PLEKHN1: variants seen among roughly 807,000 people sequenced by gnomAD.
PLEKHN1 encodes pleckstrin homology domain containing N1, also known as pleckstrin homology domain-containing family N member 1.
Under a neutral mutation model 72.8 loss-of-function variants are expected in PLEKHN1, and 68 were observed. The ratio of observed to expected loss-of-function variants is 0.93; its 90% CI spans 0.77 to 1.14. PLEKHN1 has a LOEUF of 1.14. PLEKHN1 is among the 50% of genes most tolerant of loss of function. PLEKHN1 has a pLI of 0.00. For synonymous variants in PLEKHN1, 454 were observed against 371.6 expected (o/e 1.22, Z -2.55); for missense variants, 1,015 against 840.5 (o/e 1.21, Z -2.57).
chr1:970,762 T>A lies in PLEKHN1; in HGVS notation c.484+4T>A, dbSNP rs781744635. On this transcript the variant is annotated splice_donor_region_variant and intron_variant, in intron 5 of 15. Coordinates refer to ENST00000379410, the MANE Select transcript of PLEKHN1 (RefSeq NM_032129.3). The surrounding 1 kb of genome is among the most constrained non-coding windows in gnomAD (Gnocchi z 4.2). ...GAGCACGCCTTCCAGATCACAGGTG[T>A]TTGGGATGCTTCCCGGGCCCCCAGA... is the stretch of plus-strand genomic sequence containing the variant. 6.2e-7 allele frequency: 1 copy of A among 1,612,556 alleles called. No individual in the cohort carries two copies. Among genetic ancestry groups the A allele is most frequent in the South Asian group, 1.1e-5 (1 of 91,012 alleles).
In PLEKHN1 at chr1:975,787, A is replaced by C; in HGVS notation, c.*1212A>C. Reference sequence around the variant, plus strand: ...TGTCCTGCCACTCAGCTCCCCCTGCACCCCAGAAGAAACGCAGGGTGCGGT... The same window carrying C: ...TGTCCTGCCACTCAGCTCCCCCTGCCCCCCAGAAGAAACGCAGGGTGCGGT... On this transcript the variant is annotated 3_prime_UTR_variant, in exon 16 of 16. Coordinates refer to ENST00000379410, the MANE Select transcript of PLEKHN1 (RefSeq NM_032129.3). The C allele has an allele frequency of 1.1e-5, 2 of 184,744 alleles. No individual in the cohort carries two copies. The highest frequency in any genetic ancestry group is 1.1e-4 in the South Asian group (1 of 9,022). 11.4% of individuals were successfully genotyped at this position (184,744 alleles called of 1,614,324 possible). A position where few individuals can be genotyped will look rare whatever the true frequency, so the allele number is the denominator to read the frequency against.
In PLEKHN1 at chr1:973,257, G is replaced by C. The variant is rs3109216; in HGVS notation, c.1224G>C (p.Arg408=). 6.5e-7 allele frequency: 1 copy of C among 1,543,498 alleles called. No homozygotes were observed. The highest frequency in any genetic ancestry group is 8.8e-7 in the Non-Finnish European group (1 of 1,141,560). ...AGCTGAGACGCAGTGGCAGCAGCCG[G>C]TCACCCGGGAGCAAGGCCCGGGCAG... ...RTELRRSGSS[R]SPGSKARAEG... The change falls in exon 12 of 16, where the codon CGG becomes CGC. Residue 408 remains arginine, a synonymous_variant. Coordinates refer to ENST00000379410, the MANE Select transcript of PLEKHN1 (RefSeq NM_032129.3).
chr1:973,745 C>A, intron 13 of PLEKHN1, 88 bp from the exon 14 acceptor site: 1 of 1,564,580 alleles, frequency 6.4e-7, no homozygotes, highest in Non-Finnish European at 8.7e-7. Context: ...CTGCCCCAAG[C>A]CTGAGGTCTG....
chr1:974,836 A>ACGGC lies in PLEKHN1; in HGVS notation c.*262_*263insGGCC. The stretch of plus-strand genomic sequence containing the variant: ...CAGGTCAGGGAGGTCCTGGCCGTCC[A>ACGGC]CAGGGTCGGCCCTCAGCTCAGCCCG... On this transcript the variant is annotated 3_prime_UTR_variant, in exon 16 of 16. Transcript: ENST00000379410. 1.9e-6 allele frequency: 1 copy of ACGGC among 518,604 alleles called. No homozygotes were observed. The highest frequency in any genetic ancestry group is 3.4e-6 in the Non-Finnish European group (1 of 292,040). 32.1% of individuals were successfully genotyped at this position (518,604 alleles called of 1,614,324 possible). A position where few individuals can be genotyped will look rare whatever the true frequency, so the allele number is the denominator to read the frequency against.
chr1:973,705 A>G, intron 13 of PLEKHN1, 65 bp downstream of exon 13: 1 of 1,586,930 alleles, frequency 6.3e-7, no homozygotes, highest in Non-Finnish European at 8.6e-7. Flanking sequence ...GGGGAGGTCT[A>G]GACCGTGCGT....
Position 974,745 on chromosome 1 carries a change from A to T in PLEKHN1, c.*170A>T. On this transcript the variant is annotated 3_prime_UTR_variant, in exon 16 of 16. Coordinates refer to ENST00000379410, the MANE Select transcript of PLEKHN1 (RefSeq NM_032129.3). Reference sequence around the variant, plus strand: ...TCAGCTCCTGTTCCTTGGTGCCAGCAGCTGGGGCAGGGAAGGGTGGGAGGG... The same window carrying T: ...TCAGCTCCTGTTCCTTGGTGCCAGCTGCTGGGGCAGGGAAGGGTGGGAGGG... The T allele has an allele frequency of 4.7e-5, 34 of 719,506 alleles. No individual in the cohort carries two copies. The highest frequency in any genetic ancestry group is 9.5e-5 in the Admixed American group (3 of 31,438). The allele number at this position is 719,506 out of a possible 1,614,324, so 44.6% of individuals were successfully genotyped here.
rs769516872 is a variant in PLEKHN1 at position 973,263 on chromosome 1, C to T, written c.1230C>T (p.Pro410=). ...ELRRSGSSRS[P]GSKARAEGRG... ...GACGCAGTGGCAGCAGCCGGTCACC[C>T]GGGAGCAAGGCCCGGGCAGAGGGCC... Residue 410 remains proline, a synonymous_variant, in exon 12 of 16, where the codon CCC becomes CCT. Transcript: ENST00000379410. The T allele has an allele frequency of 4.5e-5, 69 of 1,544,150 alleles. No individual in the cohort carries two copies. Among genetic ancestry groups the T allele is most frequent in the South Asian group, 3.4e-4 (29 of 84,454 alleles).
Position 966,684 on chromosome 1 carries a change from A to G in PLEKHN1, c.84-20A>G. On this transcript the variant is annotated intron_variant, in intron 1 of 15. Transcript: ENST00000379410. Reference sequence around the variant, plus strand: ...ACCCGCTCCGGGGCCAAGCCACGAGACCCCTTGCCTTGTCCCCAGAGAGGA... The same window carrying G: ...ACCCGCTCCGGGGCCAAGCCACGAGGCCCCTTGCCTTGTCCCCAGAGAGGA... 1 of 1,576,540 alleles carries G rather than the reference A, an allele frequency of 6.3e-7. No individual in the cohort carries two copies. Among genetic ancestry groups the G allele is most frequent in the African/African-American group, 1.4e-5 (1 of 74,036 alleles).
chr1:970,503 A>T lies in PLEKHN1; in HGVS notation c.331-18A>T, dbSNP rs1269837718. On this transcript the variant is annotated intron_variant, in intron 3 of 15. Transcript: ENST00000379410. This position sits in a 1 kb window ranked among gnomAD's most constrained non-coding sequence, Gnocchi z 4.2. ...GGGCTCCCCAGACTCCGCACTGACG[A>T]CCCTGCTCCCCGCGCAGGATGTCAG... is the stretch of plus-strand genomic sequence containing the variant. The T allele has an allele frequency of 6.2e-7, 1 of 1,612,770 alleles. No homozygotes were observed. Among genetic ancestry groups the T allele is most frequent in the Admixed American group, 1.7e-5 (1 of 59,978 alleles).
At position 966,524 on chromosome 1, in the gene PLEKHN1, C is replaced by T. The variant is rs1202059067; in HGVS notation, c.-8C>T. On this transcript the variant is annotated 5_prime_UTR_variant, in exon 1 of 16. Coordinates refer to ENST00000379410, the MANE Select transcript of PLEKHN1 (RefSeq NM_032129.3). ...GACCCAGACTTGCCGACCTGTACGA[C>T]TCTGGCCATGGGGAACAGCCACTGT... 1.9e-5 allele frequency: 31 copies of T among 1,601,948 alleles called. No individual in the cohort carries two copies. Among genetic ancestry groups the T allele is most frequent in the Non-Finnish European group, 2.6e-5 (30 of 1,171,870 alleles).
rs1252347749 is a variant in PLEKHN1, at chr1:975,779, C to T, written c.*1204C>T. ...CCAAGTCCTGTCCTGCCACTCAGCT[C>T]CCCCTGCACCCCAGAAGAAACGCAG... On this transcript the variant is annotated 3_prime_UTR_variant, in exon 16 of 16. Transcript: ENST00000379410. 4.9e-5 allele frequency: 9 copies of T among 185,212 alleles called. No homozygotes were observed. Among genetic ancestry groups the T allele is most frequent in the Non-Finnish European group, 7.9e-5 (7 of 88,556 alleles). 11.5% of individuals were successfully genotyped at this position (185,212 alleles called of 1,614,324 possible).
Position 966,484 on chromosome 1 carries a change from G to A in PLEKHN1, c.-48G>A, listed in dbSNP as rs1409979458. On this transcript the variant is annotated 5_prime_UTR_variant, in exon 1 of 16. Transcript: ENST00000379410. ...GCCTGCCCGCGGGAGGCGGGGGCAG[G>A]AGGCTGTGGACAGGGACCCAGACTT... The A allele has an allele frequency of 3.3e-6, 5 of 1,532,332 alleles. No individual in the cohort carries two copies. The South Asian group carries it at 5.8e-5, about 18-fold the overall frequency. 94.9% of individuals were successfully genotyped at this position (1,532,332 alleles called of 1,614,324 possible). A position where few individuals can be genotyped will look rare whatever the true frequency, so the allele number is the denominator to read the frequency against.
Position 973,595 on chromosome 1 carries a change from C to T in PLEKHN1, c.1389C>T (p.Pro463=), listed in dbSNP as rs772415481. ...SPLYADPYTP[P]ATSHRRVTDV... ...TCTATGCCGACCCCTACACACCACC[C>T]GCCACCTCCCACCGCAGGGTCACAG... The change falls in exon 13 of 16, where the codon CCC becomes CCT. Residue 463 remains proline (P), a synonymous_variant. Coordinates refer to ENST00000379410, the MANE Select transcript of PLEKHN1 (RefSeq NM_032129.3). The T allele has an allele frequency of 1.9e-5, 31 of 1,613,140 alleles. No homozygotes were observed. Among genetic ancestry groups the T allele is most frequent in the South Asian group, 4.4e-5 (4 of 91,082 alleles).
intron 10 of PLEKHN1, among the ~76,000 whole-genome samples, 167 bp from the exon 11 acceptor site, chr1:972,694 A>T (rs1053336315): frequency 6.6e-6 from 1 of 151,686 alleles, no homozygotes; most frequent in Non-Finnish European, 1.5e-5. Flanking sequence ...CTTGACCAGG[A>T]GGCGGAGGTT....
At chr1:974,397 C>G in intron 15 of PLEKHN1, 33 bp downstream of exon 15, 1 of 1,612,958 alleles carries the variant, frequency 6.2e-7, no homozygotes, top group Non-Finnish European at 8.5e-7. Context: ...GAGGTGAGTG[C>G]CTGTTGCCTC....
At chr1:967,353 A>G (rs1460046528) in intron 2 of PLEKHN1, among the ~76,000 whole-genome samples, 1 of 146,412 alleles carries the variant, frequency 6.8e-6, no homozygotes, top group Non-Finnish European at 1.5e-5. Flanking sequence ...CCGTCAAAGG[A>G]GCAGAAGACC....
At chr1:971,073 A>G (rs929428964) in intron 6 of PLEKHN1, 40 bp from the exon 7 acceptor site, 30 of 1,577,528 alleles carry the variant, frequency 1.9e-5, no homozygotes, top group South Asian at 3.5e-5. Context: ...CCTCCTCCTC[A>G]CAGGGGTCCT....
In PLEKHN1 at chr1:970,849, A is replaced by G. The variant is rs780178040; in HGVS notation, c.485-30A>G. On this transcript the variant is annotated intron_variant, in intron 5 of 15. Transcript: ENST00000379410. This position sits in a 1 kb window ranked among gnomAD's most constrained non-coding sequence, Gnocchi z 4.2. ...CTGTGGCTGCGGAGCACGTGTGTGTATGTGTGTGCCCTCTCTGCCCTGCCC... is the reference window on the plus strand; with the variant it reads ...CTGTGGCTGCGGAGCACGTGTGTGTGTGTGTGTGCCCTCTCTGCCCTGCCC... 3.2e-5 allele frequency: 51 copies of G among 1,612,094 alleles called. No individual in the cohort carries two copies. Among genetic ancestry groups the G allele is most frequent in the Non-Finnish European group, 4.3e-5 (51 of 1,179,902 alleles).
In PLEKHN1 at chr1:971,142, A is replaced by C; in HGVS notation, c.642A>C (p.Ser214=). The C allele has an allele frequency of 6.2e-7, 1 of 1,601,020 alleles. No homozygotes were observed. Among genetic ancestry groups the C allele is most frequent in the Non-Finnish European group, 8.5e-7 (1 of 1,174,838 alleles). Residue 214 remains serine, a synonymous_variant, in exon 7 of 16, where the codon TCA becomes TCC. Coordinates refer to ENST00000379410, the MANE Select transcript of PLEKHN1 (RefSeq NM_032129.3). ...GTCTAACCCGGCTGCGGACGGCGTC[A>C]GGGCACGAACCCGGCGGCAGTGCTG... ...QRRLTRLRTA[S]GHEPGGSAVC...
Sources: gnomAD v4.1 joint callset for allele counts (sites outside exome capture counted in the v4.1 genomes callset) on GRCh38, gnomAD v4.1.1 for gene constraint, Gnocchi (gnomAD v3.1) non-coding constraint, MANE v1.5 for transcripts, NCBI Gene and HGNC (gene_info 2026-07-23, HGNC 2026-07-21) for gene names.